ANKS1A: variants seen among roughly 807,000 people sequenced by gnomAD.
ANKS1A encodes the protein ankyrin repeat and SAM domain-containing protein 1A.
Under a neutral mutation model 120.3 loss-of-function variants are expected in ANKS1A, and 55 were observed. The ratio of observed to expected loss-of-function variants is 0.46; its 90% confidence interval spans 0.37 to 0.57. The LOEUF is 0.57. Ranked by LOEUF, ANKS1A falls within the 20% of genes least tolerant of loss-of-function variation. ANKS1A has a pLI of 0.00. For missense variants in ANKS1A, 1,123 were observed against 1,480.3 expected (o/e 0.76, Z 3.96); for synonymous variants, 590 against 604.7 (o/e 0.98, Z 0.36).
chr6:34,994,230 G>A (rs760001125), intron 9 of ANKS1A, 72 bp from the exon 10 acceptor site: 19 of 1,546,440 alleles, frequency 1.2e-5, no homozygotes, highest in Admixed American at 4.0e-5. Flanking sequence ...CAATAATCTC[G>A]AATTTGTTCC....
rs6915396 is a variant in ANKS1A, at chr6:35,042,713, A to G, written c.2011-11386A>G. 9.7e-3 allele frequency among the ~76,000 whole-genome samples: 1,476 copies of G among 152,318 alleles called. 18 individuals are homozygous for G. Among genetic ancestry groups the G allele is most frequent in the African/African-American group, 0.031 (1,293 of 41,566 alleles). On this transcript the variant is annotated intron_variant, in intron 11 of 23. Coordinates refer to ENST00000360359, the MANE Select transcript of ANKS1A (RefSeq NM_015245.3). Reference sequence around the variant, plus strand: ...GCACCAGTGCTCATCAGTGCTTGTTATGTGCCAGCCACCCTCCCTGTGTCA... The same window carrying G: ...GCACCAGTGCTCATCAGTGCTTGTTGTGTGCCAGCCACCCTCCCTGTGTCA...
At chr6:35,019,738 A>C (rs551744333) in intron 11 of ANKS1A, among the ~76,000 whole-genome samples, 3 of 152,134 alleles carry the variant, frequency 2.0e-5, no homozygotes, top group Non-Finnish European at 4.4e-5. Flanking sequence ...ACTTCAAGAT[A>C]AATTTAAGAG....
At chr6:35,001,831 A>G (rs558733513) in intron 10 of ANKS1A, among the ~76,000 whole-genome samples, 45 of 125,188 alleles carry the variant, frequency 3.6e-4, no homozygotes, top group African/African-American at 1.3e-3. Context: ...CAACCAGAGG[A>G]AAAAAAAAAT....
chr6:34,889,379 G>T lies in ANKS1A; in HGVS notation c.-24G>T, dbSNP rs558651772. On this transcript the variant is annotated 5_prime_UTR_variant, in exon 1 of 24. Transcript: ENST00000360359. The surrounding 1 kb of genome is among the most constrained non-coding windows in gnomAD (Gnocchi z 5.5). Reference sequence around the variant, plus strand: ...GCTCGGCTGCAGCCTCGGGGAGGGGGTCCAGCGGGTGGCGGCCCTGGGGAT... The same window carrying T: ...GCTCGGCTGCAGCCTCGGGGAGGGGTTCCAGCGGGTGGCGGCCCTGGGGAT... 5,691 of 1,257,738 alleles carry T rather than the reference G, an allele frequency of 4.5e-3. 45 individuals carry two copies. The highest frequency in any genetic ancestry group is 0.022 in the Middle Eastern group (74 of 3,308). 77.9% of individuals were successfully genotyped at this position (1,257,738 alleles called of 1,614,324 possible).
At chr6:34,976,767 TGTGTGTGTGC>T (rs1244348991) in intron 3 of ANKS1A, among the ~76,000 whole-genome samples, 2 of 99,486 alleles carry the variant, frequency 2.0e-5, no homozygotes, top group African/African-American at 6.3e-5. Context: ...TTTCTCTTTC[TGTGTGTGTGC>T]GTGTGTGTGT....
intron 1 of ANKS1A, among the ~76,000 whole-genome samples, chr6:34,953,087 C>T (rs1424763641): frequency 6.6e-6 from 1 of 152,124 alleles, no homozygotes; most frequent in Non-Finnish European, 1.5e-5. Flanking sequence ...CTCCTCATGC[C>T]TTTAGGTGTA....
intron 11 of ANKS1A, among the ~76,000 whole-genome samples, chr6:35,035,095 C>G (rs1199320960): frequency 1.3e-5 from 2 of 152,354 alleles, no homozygotes; most frequent in East Asian, 3.8e-4. Flanking sequence ...CTCTTCTCAG[C>G]TGCACTGCCA....
At chr6:34,986,147 C>G (rs1772189302) in intron 8 of ANKS1A, among the ~76,000 whole-genome samples, 1 of 152,196 alleles carries the variant, frequency 6.6e-6, no homozygotes, top group Admixed American at 6.5e-5. Context: ...TTATTGAATA[C>G]TGCACTGAAA....
intron 13 of ANKS1A, among the ~76,000 whole-genome samples, chr6:35,069,708 T>TAC (rs1185693484): frequency 3.9e-5 from 2 of 50,794 alleles, no homozygotes; most frequent in Non-Finnish European, 9.9e-5. Flanking sequence ...ACCTGGCTAA[T>TAC]ATATATATAT....
chr6:34,941,264 G>T (rs932840319), intron 1 of ANKS1A, among the ~76,000 whole-genome samples: 5 of 152,150 alleles, frequency 3.3e-5, no homozygotes, highest in African/African-American at 1.2e-4. Flanking sequence ...GGGATTACAG[G>T]TGTGAGCCAC....
chr6:35,035,901 G>A (rs1775143200), intron 11 of ANKS1A, among the ~76,000 whole-genome samples: 1 of 152,286 alleles, frequency 6.6e-6, no homozygotes, highest in Non-Finnish European at 1.5e-5. Flanking sequence ...ACAGGTGGCT[G>A]CCCCACCTCT....
chr6:34,890,423 TG>T (rs1294185529), intron 1 of ANKS1A, among the ~76,000 whole-genome samples: 3 of 152,206 alleles, frequency 2.0e-5, no homozygotes, highest in Admixed American at 6.5e-5. Context: ...TGCCTCTGGA[TG>T]TATCATTTTC....
At chr6:34,972,860 T>C (rs1197196087) in intron 3 of ANKS1A, among the ~76,000 whole-genome samples, 2 of 152,034 alleles carry the variant, frequency 1.3e-5, no homozygotes, top group African/African-American at 4.8e-5. Context: ...ATTTGGGAAA[T>C]GGTGGGTGGT....
At chr6:35,076,032 T>G (rs1777336850) in intron 13 of ANKS1A, among the ~76,000 whole-genome samples, 2 of 152,198 alleles carry the variant, frequency 1.3e-5, no homozygotes, top group African/African-American at 2.4e-5. Flanking sequence ...CCAAAAGTGT[T>G]GGGATTACAA....
intron 1 of ANKS1A, among the ~76,000 whole-genome samples, chr6:34,944,756 C>T (rs1459139939): frequency 6.6e-6 from 1 of 152,170 alleles, no homozygotes; most frequent in Non-Finnish European, 1.5e-5. Flanking sequence ...AAAAAATCTG[C>T]ATGAAAGTGA....
intron 11 of ANKS1A, among the ~76,000 whole-genome samples, chr6:35,025,073 A>G (rs1029347812): frequency 6.6e-6 from 1 of 152,110 alleles, no homozygotes; most frequent in African/African-American, 2.4e-5. Context: ...AGTAGTCACA[A>G]CTGTTATCCT....
At chr6:35,056,627 G>A (rs1265319422) in intron 12 of ANKS1A, among the ~76,000 whole-genome samples, 1 of 152,156 alleles carries the variant, frequency 6.6e-6, no homozygotes, top group Non-Finnish European at 1.5e-5. Context: ...CCATATGAGT[G>A]TTGAGAGGCA....
rs1019154771 is a variant in ANKS1A, at chr6:34,928,295, T to C, written c.197+38696T>C. Among the ~76,000 whole-genome samples the C allele has an allele frequency of 3.9e-5, 6 of 152,158 alleles. 1 individual carries two copies. The highest frequency in any genetic ancestry group is 1.2e-4 in the African/African-American group (5 of 41,438). On this transcript the variant is annotated intron_variant, in intron 1 of 23. Coordinates refer to ENST00000360359, the MANE Select transcript of ANKS1A (RefSeq NM_015245.3). ...AGCACAGTGGAAGAAGAGAGCAGCCTTTTACAGCCCCAGGCCTCACAGGAT... is the reference window on the plus strand; with the variant it reads ...AGCACAGTGGAAGAAGAGAGCAGCCCTTTACAGCCCCAGGCCTCACAGGAT...
intron 1 of ANKS1A, among the ~76,000 whole-genome samples, chr6:34,942,259 CTACTT>C (rs1287432163): frequency 2.6e-5 from 4 of 152,220 alleles, no homozygotes; most frequent in Admixed American, 6.5e-5. Flanking sequence ...AACATTTTCT[CTACTT>C]TACCAACTCT....
Sources: allele counts gnomAD v4.1 joint callset (sites outside exome capture counted in the v4.1 genomes callset), GRCh38; gene constraint gnomAD v4.1.1; non-coding constraint Gnocchi (gnomAD v3.1); transcripts MANE v1.5; gene names NCBI Gene and HGNC (gene_info 2026-07-23, HGNC 2026-07-21).